STK32B: variants seen among roughly 807,000 people sequenced by gnomAD.
STK32B encodes serine/threonine-protein kinase 32B.
STK32B carries 43 observed loss-of-function variants against 52.6 expected under a neutral mutation model. The observed-to-expected ratio is 0.82, with a 90% CI of 0.64 to 1.05. STK32B has a LOEUF of 1.05. STK32B is among the 50% of genes least tolerant of loss of function. The pLI is 0.00. For missense variants in STK32B, 621 were observed against 534.6 expected (o/e 1.16, Z -1.59); for synonymous variants, 238 against 204.3 (o/e 1.17, Z -1.41).
chr4:5,459,694 G>T (rs965373168), intron 8 of STK32B, among the ~76,000 whole-genome samples: 7 of 152,182 alleles, frequency 4.6e-5, no homozygotes, highest in Non-Finnish European at 8.8e-5. Flanking sequence ...AGCTGTCCAG[G>T]TATAAATTTT....
intron 3 of STK32B, among the ~76,000 whole-genome samples, chr4:5,328,843 C>T (rs1180848560): frequency 6.6e-6 from 1 of 152,154 alleles, no homozygotes; most frequent in Non-Finnish European, 1.5e-5. Context: ...GGCTGTATTA[C>T]TTACATGCTC....
At chr4:5,207,906 T>G (rs879769351) in intron 3 of STK32B, among the ~76,000 whole-genome samples, 1 of 152,140 alleles carries the variant, frequency 6.6e-6, no homozygotes. Context: ...TTCCTCTCTT[T>G]TTAACATCCA....
At chr4:5,439,044 A>G (rs1714426662) in intron 6 of STK32B, among the ~76,000 whole-genome samples, 1 of 150,990 alleles carries the variant, frequency 6.6e-6, no homozygotes, top group South Asian at 2.2e-4. Context: ...GCTATTGTGA[A>G]TAATGCCGCA....
intron 3 of STK32B, among the ~76,000 whole-genome samples, chr4:5,249,915 A>T (rs1461038926): frequency 6.6e-6 from 1 of 151,988 alleles, no homozygotes; most frequent in African/African-American, 2.4e-5. Flanking sequence ...CTCTCCTCCC[A>T]CCCTCAAGGA....
chr4:5,418,257 T>A (rs1000685474), intron 6 of STK32B, among the ~76,000 whole-genome samples: 1 of 151,788 alleles, frequency 6.6e-6, no homozygotes, highest in Non-Finnish European at 1.5e-5. Flanking sequence ...ATTCTGCTCT[T>A]CATTCTCCTT....
chr4:5,195,655 C>G (rs957940373), intron 3 of STK32B, among the ~76,000 whole-genome samples: 3 of 152,162 alleles, frequency 2.0e-5, no homozygotes, highest in African/African-American at 4.8e-5. Context: ...ATCACGCACT[C>G]TACTCCAGCC....
intron 1 of STK32B, among the ~76,000 whole-genome samples, chr4:5,078,697 A>T (rs989886354): frequency 2.0e-4 from 31 of 152,148 alleles, no homozygotes; most frequent in African/African-American, 7.5e-4. Flanking sequence ...CCCTCCATCT[A>T]CCTGCTTCCC....
At chr4:5,062,871 G>C (rs779122861) in intron 1 of STK32B, among the ~76,000 whole-genome samples, 2 of 151,986 alleles carry the variant, frequency 1.3e-5, no homozygotes, top group Non-Finnish European at 2.9e-5. Context: ...TGTATAATTT[G>C]GTGTTTTCAC....
chr4:5,153,119 G>A (rs894970780), intron 2 of STK32B, among the ~76,000 whole-genome samples: 3 of 152,204 alleles, frequency 2.0e-5, no homozygotes, highest in East Asian at 1.9e-4. Flanking sequence ...CAGAAGTGAC[G>A]TTGAAACTGG....
chr4:5,193,772 G>C (rs1721422675), intron 3 of STK32B, among the ~76,000 whole-genome samples: 1 of 152,260 alleles, frequency 6.6e-6, no homozygotes, highest in Non-Finnish European at 1.5e-5. Flanking sequence ...AAATGTGCGA[G>C]GATTTCAGAG....
intron 1 of STK32B, among the ~76,000 whole-genome samples, chr4:5,059,043 G>A (rs1005747745): frequency 4.4e-5 from 5 of 112,560 alleles, no homozygotes; most frequent in East Asian, 3.2e-4. Context: ...GAGCCACCAC[G>A]CCCAGCTGCT....
chr4:5,325,906 T>G (rs769418767), intron 3 of STK32B, among the ~76,000 whole-genome samples: 2 of 152,204 alleles, frequency 1.3e-5, no homozygotes, highest in Admixed American at 6.5e-5. Flanking sequence ...TACAGAGAGA[T>G]AAATGAAAGG....
chr4:5,465,784 G>C (rs111808419), intron 9 of STK32B, among the ~76,000 whole-genome samples: 14 of 152,160 alleles, frequency 9.2e-5, no homozygotes, highest in African/African-American at 3.4e-4. Flanking sequence ...GCTGTGCCTC[G>C]CCTCTCTCCT....
At chr4:5,093,211 C>G (rs973705560) in intron 1 of STK32B, among the ~76,000 whole-genome samples, 2 of 152,134 alleles carry the variant, frequency 1.3e-5, no homozygotes, top group African/African-American at 4.8e-5. Flanking sequence ...TGATCACTTA[C>G]TACCATAAAA....
intron 1 of STK32B, among the ~76,000 whole-genome samples, chr4:5,100,310 A>G (rs965080515): frequency 9.6e-5 from 14 of 145,956 alleles, no homozygotes; most frequent in African/African-American, 3.2e-4. Context: ...GGACAAGGTT[A>G]CCCCTCCCTC....
chr4:5,445,315 C>T (rs148556123), intron 6 of STK32B, among the ~76,000 whole-genome samples: 11 of 152,284 alleles, frequency 7.2e-5, no homozygotes, highest in Non-Finnish European at 1.6e-4. Context: ...CGAGTGAATG[C>T]CCATCTAGAA....
At chr4:5,037,152 C>T in the STK32B span, among the ~76,000 whole-genome samples, 1 of 152,162 alleles carries the variant, frequency 6.6e-6, no homozygotes, top group Admixed American at 6.5e-5. Flanking sequence ...AGCAGCACCC[C>T]TGGTTTCTAT....
the STK32B span, among the ~76,000 whole-genome samples, chr4:5,033,431 G>A: frequency 3.9e-5 from 6 of 152,182 alleles, no homozygotes; most frequent in Non-Finnish European, 8.8e-5. Flanking sequence ...AGGAAGCCCC[G>A]TAGCCAACAC....
chr4:5,174,427 C>T (rs1242360479), intron 3 of STK32B, among the ~76,000 whole-genome samples: 1 of 152,166 alleles, frequency 6.6e-6, no homozygotes, highest in Non-Finnish European at 1.5e-5. Flanking sequence ...CATGTTTTTG[C>T]AGTGGCTGAT....
Sources: gnomAD v4.1 joint callset for allele counts (sites outside exome capture counted in the v4.1 genomes callset) on GRCh38, gnomAD v4.1.1 for gene constraint, MANE v1.5 for transcripts, NCBI Gene and HGNC (gene_info 2026-07-23, HGNC 2026-07-21) for gene names.